Variants in ERC2 observed in about 807,000 individuals in gnomAD.
ERC2 encodes the protein ERC protein 2.
In ERC2, 42 loss-of-function variants were observed where a neutral mutation model predicts 114.8. That is an observed-to-expected ratio of 0.37 (90% CI 0.29 to 0.47). The LOEUF (loss-of-function observed/expected upper bound fraction) is 0.47, where lower values mean the gene tolerates loss of function less well. Among genes scored for constraint, ERC2 ranks in the 20% least tolerant of loss-of-function variants. ERC2 has a pLI of 0.99. For synonymous variants in ERC2, 454 were observed against 425.5 expected, an observed-to-expected ratio of 1.07 and a Z score of -0.82; for missense variants, 939 against 1,150.7, an observed-to-expected ratio of 0.82 and a Z score of 2.66.
At chr3:55,690,554 G>C (rs2148799188) in intron 16 of ERC2, among the ~76,000 whole-genome samples, 1 of 152,084 alleles carries the variant, frequency 6.6e-6, no homozygotes, top group East Asian at 1.9e-4. Flanking sequence ...AAAAACCCCT[G>C]TTGACTCAAA....
chr3:56,307,189 G>C (rs759653231), intron 2 of ERC2, among the ~76,000 whole-genome samples: 17 of 152,204 alleles, frequency 1.1e-4, no homozygotes, highest in Non-Finnish European at 2.2e-4. Context: ...TCTGCACATG[G>C]CTCCTAAAGT....
chr3:55,527,740 C>T (rs910137179), intron 17 of ERC2, among the ~76,000 whole-genome samples: 5 of 152,150 alleles, frequency 3.3e-5, no homozygotes, highest in Non-Finnish European at 5.9e-5. Context: ...GAAACTCAAT[C>T]GCAAAATGAT....
At position 55,683,865 on chromosome 3, in the gene ERC2, G is replaced by A. The variant is rs761423043; in HGVS notation, c.2848-6C>T. On this transcript the variant is annotated splice_region_variant and splice_polypyrimidine_tract_variant and intron_variant, in intron 16 of 17. Transcript: ENST00000288221. ...CATATGCCCTCCTCGTCATCCTGCG[G>A]CCGGCCCGAGGTGGGGAGGTGCACA... The A allele has an allele frequency of 6.2e-7, 1 of 1,612,448 alleles. No individual in the cohort carries two copies. Among genetic ancestry groups the A allele is most frequent in the South Asian group, 1.1e-5 (1 of 90,824 alleles).
intron 2 of ERC2, among the ~76,000 whole-genome samples, chr3:56,378,879 A>G (rs34064704): frequency 0.27 from 41,766 of 152,064 alleles, 6,022 homozygotes; most frequent in Non-Finnish European, 0.32. Context: ...CTGGCCTCTT[A>G]AGTTAGCCCT....
At chr3:55,713,485 G>A (rs1385499791) in intron 15 of ERC2, among the ~76,000 whole-genome samples, 1 of 152,068 alleles carries the variant, frequency 6.6e-6, no homozygotes, top group African/African-American at 2.4e-5. Flanking sequence ...CCAAAGTGCT[G>A]GGATTACAGG....
intron 7 of ERC2, among the ~76,000 whole-genome samples, chr3:56,058,317 G>A (rs2076099681): frequency 6.6e-6 from 1 of 152,166 alleles, no homozygotes; most frequent in African/African-American, 2.4e-5. Flanking sequence ...TGGGAAAGTT[G>A]AGAGGTTGGA....
chr3:55,779,531 G>A (rs1158121304), intron 14 of ERC2, among the ~76,000 whole-genome samples: 1 of 151,510 alleles, frequency 6.6e-6, no homozygotes, highest in African/African-American at 2.4e-5. Flanking sequence ...AATATAGACT[G>A]CTTCACAATT....
intron 6 of ERC2, among the ~76,000 whole-genome samples, chr3:56,088,940 T>C (rs941316542): frequency 6.6e-6 from 1 of 152,190 alleles, no homozygotes; most frequent in South Asian, 2.1e-4. Flanking sequence ...ACCGCAGGAA[T>C]GCAATAAAGG....
chr3:55,804,076 T>A (rs934386411), intron 14 of ERC2, among the ~76,000 whole-genome samples: 15 of 152,176 alleles, frequency 9.9e-5, no homozygotes, highest in Non-Finnish European at 2.1e-4. Flanking sequence ...GTTCTCAAAA[T>A]TTTTTTATGT....
At position 55,904,182 on chromosome 3, in the gene ERC2, A is replaced by G. The variant is rs79811823; in HGVS notation, c.2404-15633T>C. Among the ~76,000 whole-genome samples, 183 of 152,326 alleles carry G rather than the reference A, an allele frequency of 1.2e-3. 1 individual carries two copies. The highest frequency in any genetic ancestry group is 4.2e-3 in the African/African-American group (173 of 41,572). Reference sequence around the variant, plus strand: ...CACTGACAAGAAAGGAACTGTGTGGAATAGGTGGCACAACATTTTTGCCCT... The same window carrying G: ...CACTGACAAGAAAGGAACTGTGTGGGATAGGTGGCACAACATTTTTGCCCT... On this transcript the variant is annotated intron_variant, in intron 13 of 17. Transcript: ENST00000288221.
At chr3:55,894,772 T>C (rs114471676) in intron 13 of ERC2, among the ~76,000 whole-genome samples, 1,593 of 152,326 alleles carry the variant, frequency 0.01, 25 homozygotes, top group African/African-American at 0.037. Context: ...TCTTGTGAAG[T>C]GGAGCTAATG....
intron 1 of ERC2, among the ~76,000 whole-genome samples, chr3:56,450,969 G>A (rs1048586087): frequency 2.0e-5 from 3 of 151,970 alleles, no homozygotes; most frequent in South Asian, 2.1e-4. Context: ...ATTATTCATC[G>A]CCCCATAAAG....
chr3:55,544,767 C>T (rs1049686241), intron 17 of ERC2, among the ~76,000 whole-genome samples: 1 of 152,072 alleles, frequency 6.6e-6, no homozygotes, highest in African/African-American at 2.4e-5. Context: ...TTCCACACAA[C>T]CATATACAAA....
chr3:56,030,292 G>T (rs1291694637), intron 7 of ERC2, among the ~76,000 whole-genome samples: 5 of 152,066 alleles, frequency 3.3e-5, no homozygotes, highest in Non-Finnish European at 7.4e-5. Flanking sequence ...CAGCTGTTGG[G>T]AATATTCTAT....
chr3:56,078,180 A>C (rs1207526219), intron 7 of ERC2, among the ~76,000 whole-genome samples: 2 of 152,190 alleles, frequency 1.3e-5, no homozygotes, highest in Non-Finnish European at 2.9e-5. Context: ...TCAATTAGCT[A>C]GTGCTACAAG....
At chr3:56,301,977 AT>A (rs1330577744) in intron 2 of ERC2, among the ~76,000 whole-genome samples, 15 of 152,300 alleles carry the variant, frequency 9.8e-5, no homozygotes, top group Admixed American at 7.8e-4. Flanking sequence ...ATCAATCAGG[AT>A]AGGCTTAGGA....
intron 17 of ERC2, among the ~76,000 whole-genome samples, chr3:55,558,193 C>T (rs184660507): frequency 2.1e-3 from 314 of 152,342 alleles, no homozygotes; most frequent in African/African-American, 7.2e-3. Context: ...TGATTAACGT[C>T]TGTCTTTGCC....
intron 17 of ERC2, among the ~76,000 whole-genome samples, chr3:55,558,605 G>T (rs2055787946): frequency 6.6e-6 from 1 of 152,228 alleles, no homozygotes; most frequent in Non-Finnish European, 1.5e-5. Flanking sequence ...TGTCTGATGT[G>T]CATCAAATGA....
chr3:55,931,308 T>C (rs936497223), intron 13 of ERC2, among the ~76,000 whole-genome samples: 3 of 152,220 alleles, frequency 2.0e-5, no homozygotes, highest in Non-Finnish European at 4.4e-5. Context: ...CACATGTATG[T>C]TTATTCCAGC....
Sources: gnomAD v4.1 joint callset for allele counts (sites outside exome capture counted in the v4.1 genomes callset) on GRCh38, gnomAD v4.1.1 for gene constraint, MANE v1.5 for transcripts, NCBI Gene and HGNC (gene_info 2026-07-23, HGNC 2026-07-21) for gene names.